The following RARA variants were observed in gnomAD, a reference collection of about 807,000 sequenced individuals.
RARA encodes retinoic acid receptor alpha, also known as PML-DDX5-RARA fusion.
A neutral mutation model predicts 42.8 loss-of-function variants in RARA; 5 were observed. The observed-to-expected ratio is 0.12, with a 90% CI of 0.06 to 0.25. The LOEUF (loss-of-function observed/expected upper bound fraction) is 0.25, where lower values mean the gene tolerates loss of function less well. Among genes scored for constraint, RARA ranks in the 10% least tolerant of loss-of-function variants. RARA has a pLI of 1.00. For missense variants in RARA, 402 were observed against 628.7 expected (o/e 0.64, Z 3.86); for synonymous variants, 256 against 259.5 (o/e 0.99, Z 0.13).
At chr17:40,336,514 A>C (rs1310160436) in intron 2 of RARA, among the ~76,000 whole-genome samples, 1 of 151,936 alleles carries the variant, frequency 6.6e-6, no homozygotes, top group South Asian at 2.1e-4. Flanking sequence ...GTAGCCTCCC[A>C]AGTAGCTGGG....
intron 2 of RARA, chr17:40,342,022 G>A (rs2034071406): frequency 9.2e-7 from 1 of 1,081,572 alleles, no homozygotes; most frequent in East Asian, 5.0e-5. Context: ...TCTCCCTCTC[G>A]GTTCCCTGCG....
At chr17:40,348,026 C>T in intron 2 of RARA, 1 of 305,176 alleles carries the variant, frequency 3.3e-6, no homozygotes, top group Non-Finnish European at 6.0e-6. Context: ...CCCCTACTCC[C>T]CAAGCACAGT....
intron 1 of RARA, among the ~76,000 whole-genome samples, chr17:40,330,232 A>C (rs1017643609): frequency 1.3e-5 from 2 of 152,084 alleles, no homozygotes; most frequent in African/African-American, 4.8e-5. Context: ...CCTCCTACAC[A>C]TCGCCTACCC....
chr17:40,349,582 G>C, intron 3 of RARA: 1 of 602,292 alleles, frequency 1.7e-6, no homozygotes, highest in South Asian at 2.0e-5. Flanking sequence ...CTGCAGTGTT[G>C]AGGCAGGTAC....
intron 1 of RARA, among the ~76,000 whole-genome samples, chr17:40,312,394 A>C (rs1406506999): frequency 6.6e-6 from 1 of 152,190 alleles, no homozygotes; most frequent in Non-Finnish European, 1.5e-5. Flanking sequence ...CATGATTCTG[A>C]CCTGGGAGTT....
intron 2 of RARA, chr17:40,341,738 C>T: frequency 1.5e-6 from 2 of 1,296,458 alleles, no homozygotes; most frequent in Non-Finnish European, 2.0e-6. Flanking sequence ...GACACCGGGA[C>T]CACCCCCCTC....
rs192710726 is a variant in RARA at position 40,348,163 on chromosome 17, G to T, written c.179-153G>T. On this transcript the variant is annotated intron_variant, in intron 2 of 8. Transcript: ENST00000254066. ...ATTGGCAGCCTCCTGCCCTGAGTCT[G>T]GCTGGGGAGTCCCAGTTTTCTTAAG... 6.0e-3 allele frequency: 5,775 copies of T among 963,702 alleles called. 29 individuals carry two copies. Among genetic ancestry groups the T allele is most frequent in the Non-Finnish European group, 7.1e-3 (4,832 of 682,046 alleles). The allele number at this position is 963,702 out of a possible 1,614,324, so 59.7% of individuals were successfully genotyped here. A position where few individuals can be genotyped will look rare whatever the true frequency, so the allele number is the denominator to read the frequency against.
chr17:40,324,125 G>A (rs1014379688), intron 1 of RARA, among the ~76,000 whole-genome samples: 3 of 152,218 alleles, frequency 2.0e-5, no homozygotes, highest in African/African-American at 7.2e-5. Context: ...AGGTGTGAGG[G>A]TGGGGAAAGC....
At chr17:40,328,830 T>C (rs563313578) in intron 1 of RARA, among the ~76,000 whole-genome samples, 1 of 152,344 alleles carries the variant, frequency 6.6e-6, no homozygotes, top group Admixed American at 6.5e-5. Context: ...GACTTTTGGG[T>C]TGATTCCACT....
At chr17:40,343,001 C>T (rs932605302) in intron 2 of RARA, 12 of 1,450,408 alleles carry the variant, frequency 8.3e-6, no homozygotes, top group African/African-American at 7.2e-5. Flanking sequence ...CCGTGTTGCC[C>T]TTGCTGGACA....
At chr17:40,315,131 TGTATATA>T (rs1567742991) in intron 1 of RARA, among the ~76,000 whole-genome samples, 26 of 62,622 alleles carry the variant, frequency 4.2e-4, no homozygotes, top group African/African-American at 1.8e-3. Flanking sequence ...TGCTTATATG[TGTATATA>T]TATATATATA....
Position 40,352,212 on chromosome 17 carries a change from T to C in RARA, c.631-119T>C. 6.7e-7 allele frequency: 1 copy of C among 1,499,188 alleles called. No individual in the cohort carries two copies. Among genetic ancestry groups the C allele is most frequent in the Non-Finnish European group, 8.8e-7 (1 of 1,130,650 alleles). 92.9% of individuals were successfully genotyped at this position (1,499,188 alleles called of 1,614,324 possible). On this transcript the variant is annotated intron_variant, in intron 5 of 8. Coordinates refer to ENST00000254066, the MANE Select transcript of RARA (RefSeq NM_000964.4). This position sits in a 1 kb window ranked among gnomAD's most constrained non-coding sequence, Gnocchi z 4.9. Reference sequence around the variant, plus strand: ...CTCTCTTCTCCCTCCTCCTGCTGCCTCTTCCCAAGGAGCTCCCAGGAAGTG... The same window carrying C: ...CTCTCTTCTCCCTCCTCCTGCTGCCCCTTCCCAAGGAGCTCCCAGGAAGTG...
chr17:40,323,585 T>C (rs2033452736), intron 1 of RARA, among the ~76,000 whole-genome samples: 2 of 151,794 alleles, frequency 1.3e-5, no homozygotes, highest in Non-Finnish European at 2.9e-5. Context: ...CAGGCGCTCT[T>C]CTCTAAGGGG....
Position 40,351,060 on chromosome 17 carries a change from A to C in RARA, c.470-850A>C, listed in dbSNP as rs1467026277. Among the ~76,000 whole-genome samples the C allele has an allele frequency of 1.3e-5, 2 of 151,924 alleles. No individual in the cohort carries two copies. Among genetic ancestry groups the C allele is most frequent in the Non-Finnish European group, 2.9e-5 (2 of 67,992 alleles). On this transcript the variant is annotated intron_variant, in intron 4 of 8. Coordinates refer to ENST00000254066, the MANE Select transcript of RARA (RefSeq NM_000964.4). The surrounding 1 kb of genome is among the most constrained non-coding windows in gnomAD (Gnocchi z 4.1). ...GCTGAGCAGCTGCCATTTCAATAGA[A>C]TTAAAGCTTCCGAATGATAAACGTC...
chr17:40,331,156 T>C lies in RARA; in HGVS notation c.-63T>C. 6.7e-7 allele frequency: 1 copy of C among 1,497,056 alleles called. No individual in the cohort carries two copies. The highest frequency in any genetic ancestry group is 9.0e-7 in the Non-Finnish European group (1 of 1,111,650). The allele number at this position is 1,497,056 out of a possible 1,614,324, so 92.7% of individuals were successfully genotyped here. A position where few individuals can be genotyped will look rare whatever the true frequency, so the allele number is the denominator to read the frequency against. Reference sequence around the variant, plus strand: ...GGCCCCATGCCCCGAGGAGGGGTGGTCTGAAGCCCACCAGAGCCCCCTGCC... The same window carrying C: ...GGCCCCATGCCCCGAGGAGGGGTGGCCTGAAGCCCACCAGAGCCCCCTGCC... On this transcript the variant is annotated 5_prime_UTR_variant, in exon 2 of 9. Coordinates refer to ENST00000254066, the MANE Select transcript of RARA (RefSeq NM_000964.4).
At chr17:40,335,925 C>T (rs565636802) in intron 2 of RARA, among the ~76,000 whole-genome samples, 1 of 152,038 alleles carries the variant, frequency 6.6e-6, no homozygotes, top group East Asian at 1.9e-4. Context: ...ATTGCATGAG[C>T]CTGAGAGGTT....
intron 1 of RARA, among the ~76,000 whole-genome samples, chr17:40,309,855 C>T (rs1328900951): frequency 1.3e-5 from 2 of 152,186 alleles, no homozygotes; most frequent in Non-Finnish European, 2.9e-5. Flanking sequence ...GTGAGCTTTT[C>T]CTCTAGGAAA....
chr17:40,356,340 C>G lies in RARA; in HGVS notation c.*114C>G. ...CCCCCACCTGCCCTCCCGGGCAGTA[C>G]TGGGGACCTTCCCTGGGGGACGGGG... On this transcript the variant is annotated 3_prime_UTR_variant, in exon 9 of 9. Coordinates refer to ENST00000254066, the MANE Select transcript of RARA (RefSeq NM_000964.4). 2.5e-6 allele frequency: 3 copies of G among 1,181,290 alleles called. No individual in the cohort carries two copies. Among genetic ancestry groups the G allele is most frequent in the Non-Finnish European group, 3.7e-6 (3 of 820,700 alleles). The allele number at this position is 1,181,290 out of a possible 1,614,324, so 73.2% of individuals were successfully genotyped here.
intron 1 of RARA, among the ~76,000 whole-genome samples, chr17:40,312,541 G>T (rs1302367242): frequency 6.6e-6 from 1 of 152,244 alleles, no homozygotes; most frequent in African/African-American, 2.4e-5. Context: ...GAAAAGCACG[G>T]GGCAGGCAGA....
Sources: gnomAD v4.1 joint callset for allele counts (sites outside exome capture counted in the v4.1 genomes callset) on GRCh38, gnomAD v4.1.1 for gene constraint, Gnocchi (gnomAD v3.1) non-coding constraint, MANE v1.5 for transcripts, NCBI Gene and HGNC (gene_info 2026-07-23, HGNC 2026-07-21) for gene names.